The following ERC2 variants were observed in gnomAD, a reference collection of about 807,000 sequenced individuals.
The protein encoded by ERC2 is ERC protein 2.
In ERC2, 42 loss-of-function variants were observed where a neutral mutation model predicts 114.8. The ratio of observed to expected loss-of-function variants is 0.37; its 90% confidence interval spans 0.29 to 0.47. The LOEUF is 0.47. ERC2 is among the 20% of genes least tolerant of loss of function. ERC2 has a pLI of 0.99. For synonymous variants in ERC2, 454 were observed against 425.5 expected, an observed-to-expected ratio of 1.07 and a Z score of -0.82; for missense variants, 939 against 1,150.7, an observed-to-expected ratio of 0.82 and a Z score of 2.66.
At chr3:56,055,136 C>CATCAGGCAGAT (rs2075956933) in intron 7 of ERC2, among the ~76,000 whole-genome samples, 2 of 152,162 alleles carry the variant, frequency 1.3e-5, no homozygotes, top group Non-Finnish European at 2.9e-5. Flanking sequence ...ACCTGGGCCC[C>CATCAGGCAGAT]GTTAATCAAC....
chr3:55,833,673 C>T (rs988960159), intron 14 of ERC2, among the ~76,000 whole-genome samples: 56 of 152,278 alleles, frequency 3.7e-4, no homozygotes, highest in African/African-American at 1.3e-3. Flanking sequence ...TTGTAAAGAC[C>T]ATCGAGGCTA....
intron 7 of ERC2, among the ~76,000 whole-genome samples, chr3:56,023,515 T>TA (rs1455425943): frequency 2.0e-5 from 3 of 152,098 alleles, no homozygotes; most frequent in Non-Finnish European, 1.5e-5. Context: ...ATTCAAGCTC[T>TA]ACTCAAACCT....
Position 55,712,222 on chromosome 3 carries a change from G to T in ERC2, c.2713-12710C>A, listed in dbSNP as rs147699357. ...TTGTATATCTAAAGAAAATTAGTTG[G>T]GGCTGATTTCAGGAAGAGAAGAGCA... is the stretch of plus-strand genomic sequence containing the variant. On this transcript the variant is annotated intron_variant, in intron 15 of 17. Transcript: ENST00000288221. Among the ~76,000 whole-genome samples, 388 of 152,212 alleles carry T rather than the reference G, an allele frequency of 2.5e-3. 2 individuals are homozygous for T. Among genetic ancestry groups the T allele is most frequent in the African/African-American group, 9.0e-3 (373 of 41,516 alleles).
intron 6 of ERC2, among the ~76,000 whole-genome samples, chr3:56,134,920 G>GTTTT (rs147281232): frequency 7.0e-6 from 1 of 143,046 alleles, no homozygotes; most frequent in African/African-American, 2.8e-5. Context: ...CTTTTTTTTT[G>GTTTT]TTTTTTTTTG....
At chr3:55,675,652 G>C (rs2148751231) in intron 17 of ERC2, among the ~76,000 whole-genome samples, 1 of 152,184 alleles carries the variant, frequency 6.6e-6, no homozygotes, top group Admixed American at 6.5e-5. Context: ...CCACCAATTG[G>C]ATGGCTCCCC....
intron 12 of ERC2, 56 bp from the exon 13 acceptor site, chr3:55,950,616 T>C (rs376239321): frequency 2.8e-4 from 440 of 1,596,884 alleles, no homozygotes; most frequent in Non-Finnish European, 3.6e-4. Flanking sequence ...TCATATGTTA[T>C]CACAAATAGA....
chr3:55,749,194 C>A (rs1034265545), intron 14 of ERC2, among the ~76,000 whole-genome samples: 1 of 152,148 alleles, frequency 6.6e-6, no homozygotes, highest in Non-Finnish European at 1.5e-5. Context: ...CCTGGAAAAC[C>A]ACTTAGTGAG....
intron 3 of ERC2, among the ~76,000 whole-genome samples, chr3:56,275,379 G>A (rs2053923989): frequency 6.6e-6 from 1 of 152,120 alleles, no homozygotes; most frequent in Admixed American, 6.5e-5. Flanking sequence ...AATAAGGGTT[G>A]GGTATACCCT....
chr3:55,777,273 A>G lies in ERC2; in HGVS notation c.2565-42355T>C, dbSNP rs556200298. On this transcript the variant is annotated intron_variant, in intron 14 of 17. Coordinates refer to ENST00000288221, the MANE Select transcript of ERC2 (RefSeq NM_015576.3). ...CCCATGTAGCATCAGGTTCTGGGGT[A>G]ACAACCTGCAGAAAGCAGAAGTGTA... Among the ~76,000 whole-genome samples the G allele has an allele frequency of 1.5e-4, 22 of 143,810 alleles. No individual in the cohort carries two copies. In the East Asian group the frequency reaches 4.5e-3, roughly 30 times the overall value. The allele number at this position is 143,810 out of a possible 152,430, so 94.3% of individuals were successfully genotyped here. A position where few individuals can be genotyped will look rare whatever the true frequency, so the allele number is the denominator to read the frequency against.
chr3:55,550,913 G>C (rs924588615), intron 17 of ERC2, among the ~76,000 whole-genome samples: 2 of 151,718 alleles, frequency 1.3e-5, no homozygotes, highest in African/African-American at 4.8e-5. Context: ...CTACTCGGGA[G>C]GCTGAGGCAG....
At position 55,792,240 on chromosome 3, in the gene ERC2, C is replaced by T. The variant is rs1053812969; in HGVS notation, c.2565-57322G>A. Reference sequence around the variant, plus strand: ...TGAGGTTAAGACTGGGTAAATTGCACTGACTGCTAACTCAGCAAAACTGAA... The same window carrying T: ...TGAGGTTAAGACTGGGTAAATTGCATTGACTGCTAACTCAGCAAAACTGAA... On this transcript the variant is annotated intron_variant, in intron 14 of 17. Coordinates refer to ENST00000288221, the MANE Select transcript of ERC2 (RefSeq NM_015576.3). Among the ~76,000 whole-genome samples the T allele has an allele frequency of 2.6e-5, 4 of 152,148 alleles. No homozygotes were observed. The East Asian group carries it at 7.7e-4, about 29-fold the overall frequency.
intron 3 of ERC2, among the ~76,000 whole-genome samples, chr3:56,226,297 G>A (rs2050244029): frequency 6.6e-6 from 1 of 152,290 alleles, no homozygotes; most frequent in East Asian, 1.9e-4. Context: ...AAGGAACCGA[G>A]TTTTGTTTGC....
chr3:56,285,399 C>T (rs1045377011), intron 3 of ERC2, among the ~76,000 whole-genome samples: 2 of 151,770 alleles, frequency 1.3e-5, no homozygotes, highest in Non-Finnish European at 2.9e-5. Flanking sequence ...AGCAAAGGTC[C>T]ACTATTCGAC....
intron 3 of ERC2, among the ~76,000 whole-genome samples, chr3:56,276,278 T>A (rs74788446): frequency 0.012 from 1,873 of 152,244 alleles, 32 homozygotes; most frequent in African/African-American, 0.041. Flanking sequence ...GGGATTAGAT[T>A]ATTTTTAGAT....
intron 2 of ERC2, among the ~76,000 whole-genome samples, chr3:56,423,487 T>C (rs1190710873): frequency 6.6e-6 from 1 of 152,202 alleles, no homozygotes; most frequent in Non-Finnish European, 1.5e-5. Flanking sequence ...AAATGTCCCC[T>C]GGAGAAAAAA....
intron 16 of ERC2, among the ~76,000 whole-genome samples, chr3:55,687,580 C>T (rs2062400687): frequency 6.6e-6 from 1 of 152,164 alleles, no homozygotes; most frequent in Admixed American, 6.5e-5. Flanking sequence ...CCTGGAAGGT[C>T]CACCTGGCTA....
chr3:55,750,246 G>A lies in ERC2; in HGVS notation c.2565-15328C>T, dbSNP rs992653507. 2.0e-5 allele frequency among the ~76,000 whole-genome samples: 3 copies of A among 152,102 alleles called. 1 individual carries two copies. Among genetic ancestry groups the A allele is most frequent in the South Asian group, 4.1e-4 (2 of 4,822 alleles). ...TCTTCATTGTTAAGATACAGGATAA[G>A]AAATTGTTAATAATTATTATTTTGA... On this transcript the variant is annotated intron_variant, in intron 14 of 17. Coordinates refer to ENST00000288221, the MANE Select transcript of ERC2 (RefSeq NM_015576.3).
At chr3:56,397,742 C>A (rs2060366090) in intron 2 of ERC2, among the ~76,000 whole-genome samples, 2 of 152,118 alleles carry the variant, frequency 1.3e-5, no homozygotes, top group Admixed American at 1.3e-4. Context: ...TCACAAAAAT[C>A]TGTGGAAATA....
chr3:56,430,686 G>A (rs1169135730), intron 2 of ERC2, among the ~76,000 whole-genome samples: 1 of 152,176 alleles, frequency 6.6e-6, no homozygotes, highest in East Asian at 1.9e-4. Flanking sequence ...CTACTAGGGA[G>A]GCTGAGGTGG....
Sources: gnomAD v4.1 joint callset for allele counts (sites outside exome capture counted in the v4.1 genomes callset) on GRCh38, gnomAD v4.1.1 for gene constraint, MANE v1.5 for transcripts, NCBI Gene and HGNC (gene_info 2026-07-23, HGNC 2026-07-21) for gene names.